The following SLC2A8 variants were observed in gnomAD, a reference collection of about 807,000 sequenced individuals.
SLC2A8 encodes solute carrier family 2, facilitated glucose transporter member 8.
In SLC2A8, 53 loss-of-function variants were observed where a neutral mutation model predicts 49.2. The observed-to-expected ratio is 1.08, with a 90% CI of 0.86 to 1.35. The LOEUF (loss-of-function observed/expected upper bound fraction) is 1.35, where lower values mean the gene tolerates loss of function less well. Ranked by LOEUF, SLC2A8 falls within the 40% of genes most tolerant of loss-of-function variation. The pLI is 0.00. For synonymous variants in SLC2A8, 299 were observed against 297.0 expected (o/e 1.01, Z -0.07); for missense variants, 688 against 671.7 (o/e 1.02, Z -0.27).
chr9:127,407,456 A>G lies in SLC2A8; in HGVS notation c.*207A>G. 1 of 706,928 alleles carries G rather than the reference A, an allele frequency of 1.4e-6. No individual in the cohort carries two copies. The highest frequency in any genetic ancestry group is 2.6e-6 in the Non-Finnish European group (1 of 383,074). 43.8% of individuals were successfully genotyped at this position (706,928 alleles called of 1,614,324 possible). On this transcript the variant is annotated 3_prime_UTR_variant, in exon 10 of 10. Transcript: ENST00000373371. ...TCCAGCTCCTGCTGCTGCTCTGAGG[A>G]CTCAGGAACACCTTCGAGCTTTGCA... is the stretch of plus-strand genomic sequence containing the variant.
chr9:127,397,965 GC>G lies in SLC2A8; in HGVS notation c.282del (p.Arg96AlafsTer3). On this transcript the variant is annotated frameshift_variant, in exon 3 of 10. Coordinates refer to ENST00000373371, the MANE Select transcript of SLC2A8 (RefSeq NM_014580.5). LOFTEE classifies it high-confidence loss of function. ...GCTGGGCGGCTGGCTGGTGGACCGCGCCGGGCGCAAGCTGAGCCTCTTGCTG... is the reference window on the plus strand; with the variant it reads ...GCTGGGCGGCTGGCTGGTGGACCGCGCGGGCGCAAGCTGAGCCTCTTGCTG... The part of the protein sequence containing the change: ...GVLGGWLVDR[A>X]GRKLSLLLCS... The G allele has an allele frequency of 6.5e-7, 1 of 1,536,282 alleles. No homozygotes were observed.
intron 9 of SLC2A8, 115 bp from the exon 10 acceptor site, chr9:127,406,997 C>T (rs910925622): frequency 6.0e-6 from 7 of 1,175,250 alleles, no homozygotes; most frequent in East Asian, 2.3e-5. Context: ...TGGCCTTGGG[C>T]AGGGCAGGCT....
At position 127,405,401 on chromosome 9, in the gene SLC2A8, G is replaced by T; in HGVS notation, c.1151-19G>T. On this transcript the variant is annotated intron_variant, in intron 8 of 9. Coordinates refer to ENST00000373371, the MANE Select transcript of SLC2A8 (RefSeq NM_014580.5). Reference sequence around the variant, plus strand: ...CCCTGCGGACCCTGATGCCTGTCTTGCCTGTCTCGCTCCCACAGGCTTTGC... The same window carrying T: ...CCCTGCGGACCCTGATGCCTGTCTTTCCTGTCTCGCTCCCACAGGCTTTGC... 1 of 1,611,302 alleles carries T rather than the reference G, an allele frequency of 6.2e-7. No individual in the cohort carries two copies.
chr9:127,407,205 G>C lies in SLC2A8; in HGVS notation c.1390G>C (p.Gly464Arg). ...FTLFCVPETK[G>R]KTLEQITAHF... ...TTTGTTCTGTGTCCCTGAAACTAAAGGAAAGACTCTGGAACAAATCACAGC... is the reference window on the plus strand; with the variant it reads ...TTTGTTCTGTGTCCCTGAAACTAAACGAAAGACTCTGGAACAAATCACAGC... The change falls in exon 10 of 10, where the codon GGA (glycine) becomes CGA (arginine). Residue 464 changes from glycine to arginine, a missense_variant. Coordinates refer to ENST00000373371, the MANE Select transcript of SLC2A8 (RefSeq NM_014580.5). The C allele has an allele frequency of 6.2e-7, 1 of 1,613,554 alleles. No homozygotes were observed. The highest frequency in any genetic ancestry group is 8.5e-7 in the Non-Finnish European group (1 of 1,180,012).
chr9:127,403,442 A>C (rs1199533639), intron 5 of SLC2A8: 1 of 593,040 alleles, frequency 1.7e-6, no homozygotes, highest in Non-Finnish European at 3.0e-6. Context: ...GCTCCCCCCC[A>C]CCTATCAGGA....
intron 9 of SLC2A8, among the ~76,000 whole-genome samples, chr9:127,406,753 G>A (rs901036164): frequency 5.3e-5 from 7 of 131,158 alleles, no homozygotes; most frequent in Non-Finnish European, 1.0e-4. Context: ...TCAGGGTGGG[G>A]CCAAAGCTGA....
At chr9:127,407,047 C>T (rs1294380767) in intron 9 of SLC2A8, 65 bp from the exon 10 acceptor site, 3 of 1,587,734 alleles carry the variant, frequency 1.9e-6, no homozygotes, top group Non-Finnish European at 2.6e-6. Flanking sequence ...AGAGCTGTCT[C>T]AGTGATCGCG....
At chr9:127,402,228 T>C in intron 4 of SLC2A8, 1 of 269,826 alleles carries the variant, frequency 3.7e-6, no homozygotes, top group Non-Finnish European at 7.0e-6. Flanking sequence ...CCCCCACCTC[T>C]TCTACAAATG....
intron 9 of SLC2A8, 146 bp downstream of exon 9, chr9:127,405,711 A>C: frequency 8.7e-7 from 1 of 1,155,118 alleles, no homozygotes. Context: ...ATCTTGGGCA[A>C]GGCGACGTGG....
In SLC2A8 at chr9:127,405,425, G is replaced by T. The variant is rs749492602; in HGVS notation, c.1156G>T (p.Ala386Ser). Reference sequence around the variant, plus strand: ...TGCCTGTCTCGCTCCCACAGGCTTTGCGGTGGGCTGGGGGCCCATCCCCTG... The same window carrying T: ...TGCCTGTCTCGCTCCCACAGGCTTTTCGGTGGGCTGGGGGCCCATCCCCTG... ...GSMCLFIAGFAVGWGPIPWLL... is the reference protein window; with the variant it reads ...GSMCLFIAGFSVGWGPIPWLL... Residue 386 changes from alanine to serine, a missense_variant, in exon 9 of 10, where the codon GCG becomes TCG. Transcript: ENST00000373371. The T allele has an allele frequency of 6.2e-7, 1 of 1,612,588 alleles. No homozygotes were observed. The highest frequency in any genetic ancestry group is 1.7e-4 in the Middle Eastern group (1 of 6,048).
intron 9 of SLC2A8, chr9:127,406,116 AG>A (rs1589013504): frequency 2.0e-6 from 1 of 512,662 alleles, no homozygotes; most frequent in East Asian, 5.5e-5. Flanking sequence ...GTTCTGGGGT[AG>A]ATGATCTGGT....
Position 127,398,353 on chromosome 9 carries a change from G to T in SLC2A8, c.426+242G>T, listed in dbSNP as rs115414074. 5.7e-4 allele frequency: 439 copies of T among 772,324 alleles called. No homozygotes were observed. The African/African-American group carries it at 6.4e-3, about 11-fold the overall frequency. 47.8% of individuals were successfully genotyped at this position (772,324 alleles called of 1,614,324 possible). ...CGGAAAGGTGAAGTCCTTTGCCCAGGCGAGGTCCACAGCTAGTCAGAGGGG... is the reference window on the plus strand; with the variant it reads ...CGGAAAGGTGAAGTCCTTTGCCCAGTCGAGGTCCACAGCTAGTCAGAGGGG... On this transcript the variant is annotated intron_variant, in intron 3 of 9. Coordinates refer to ENST00000373371, the MANE Select transcript of SLC2A8 (RefSeq NM_014580.5).
In SLC2A8 at chr9:127,407,203, A is replaced by G; in HGVS notation, c.1388A>G (p.Lys463Arg). Residue 463 changes from lysine (K) to arginine (R), a missense_variant, in exon 10 of 10, where the codon AAA (lysine) becomes AGA (arginine). Physicochemically the swap from Lys to Arg is conservative, Grantham distance 26 (BLOSUM62 2). Transcript: ENST00000373371. ...ACTTTGTTCTGTGTCCCTGAAACTA[A>G]AGGAAAGACTCTGGAACAAATCACA... Reference protein sequence around the residue: ...LFTLFCVPETKGKTLEQITAH... With the variant: ...LFTLFCVPETRGKTLEQITAH... The G allele has an allele frequency of 6.2e-7, 1 of 1,613,518 alleles. No homozygotes were observed.
chr9:127,404,248 A>T (rs1255663847), intron 7 of SLC2A8, 181 bp downstream of exon 7: 9 of 557,054 alleles, frequency 1.6e-5, no homozygotes, highest in African/African-American at 3.8e-5. Flanking sequence ...TGCCAGTGGC[A>T]CTCCCACACC....
At chr9:127,403,244 G>C (rs1833359551) in intron 5 of SLC2A8, 2 of 253,020 alleles carry the variant, frequency 7.9e-6, no homozygotes, top group African/African-American at 4.4e-5. Context: ...GCGGGGCTTA[G>C]GGAGGAGGGG....
In SLC2A8 at chr9:127,407,544, A is replaced by T; in HGVS notation, c.*295A>T. The T allele has an allele frequency of 2.0e-6, 1 of 503,968 alleles. No individual in the cohort carries two copies. The highest frequency in any genetic ancestry group is 4.9e-5 in the East Asian group (1 of 20,326). 31.2% of individuals were successfully genotyped at this position (503,968 alleles called of 1,614,324 possible). A position where few individuals can be genotyped will look rare whatever the true frequency, so the allele number is the denominator to read the frequency against. The stretch of plus-strand genomic sequence containing the variant: ...GCGGAAGAGGAGGTGGGCCTCTAGG[A>T]TCTTTGTCTTCTGGCTGGAGGTGCT... On this transcript the variant is annotated 3_prime_UTR_variant, in exon 10 of 10. Coordinates refer to ENST00000373371, the MANE Select transcript of SLC2A8 (RefSeq NM_014580.5).
chr9:127,402,501 G>A (rs1335806011), intron 4 of SLC2A8, 56 bp from the exon 5 acceptor site: 9 of 1,451,638 alleles, frequency 6.2e-6, no homozygotes, highest in East Asian at 2.5e-5. Context: ...GGCTGGCAAG[G>A]CCCAGGCTGG....
chr9:127,403,517 C>A (rs1833370917), intron 5 of SLC2A8, 143 bp from the exon 6 acceptor site: 1 of 947,984 alleles, frequency 1.1e-6, no homozygotes, highest in Non-Finnish European at 1.6e-6. Flanking sequence ...TGTCTGCACA[C>A]CTGAGGACAC....
chr9:127,399,795 A>G lies in SLC2A8; in HGVS notation c.427-112A>G, dbSNP rs1181475079. ...GGGGTTTCTCCCTGTTGGTCAGGCCAGTCTCAAACTCCCAACCTCTGGTGA... is the reference window on the plus strand; with the variant it reads ...GGGGTTTCTCCCTGTTGGTCAGGCCGGTCTCAAACTCCCAACCTCTGGTGA... On this transcript the variant is annotated intron_variant, in intron 3 of 9. Transcript: ENST00000373371. This position sits in a 1 kb window ranked among gnomAD's most constrained non-coding sequence, Gnocchi z 4.2. 1 of 782,986 alleles carries G rather than the reference A, an allele frequency of 1.3e-6. No homozygotes were observed. The highest frequency in any genetic ancestry group is 1.7e-5 in the African/African-American group (1 of 57,852). 48.5% of individuals were successfully genotyped at this position (782,986 alleles called of 1,614,324 possible). A position where few individuals can be genotyped will look rare whatever the true frequency, so the allele number is the denominator to read the frequency against.
Sources: allele counts gnomAD v4.1 joint callset (sites outside exome capture counted in the v4.1 genomes callset), GRCh38; gene constraint gnomAD v4.1.1; non-coding constraint Gnocchi (gnomAD v3.1); transcripts MANE v1.5; gene names NCBI Gene and HGNC (gene_info 2026-07-23, HGNC 2026-07-21).